Variants in SMAD3 observed in about 807,000 individuals in gnomAD.
SMAD3 encodes the protein SMAD family member 3, also known as MAD homolog 3.
In SMAD3, 12 loss-of-function variants were observed where a neutral mutation model predicts 51.8. That is an observed-to-expected ratio of 0.23 (90% CI 0.15 to 0.38). The LOEUF (loss-of-function observed/expected upper bound fraction) is 0.38, where lower values mean the gene tolerates loss of function less well. Ranked by LOEUF, SMAD3 falls within the 10% of genes least tolerant of loss-of-function variation. The pLI, the probability that SMAD3 is intolerant of heterozygous loss-of-function variation, is 1.00. For missense variants in SMAD3, 294 were observed against 565.6 expected (o/e 0.52, Z 4.87); for synonymous variants, 238 against 227.7 (o/e 1.05, Z -0.41).
chr15:67,175,832 A>G (rs1962876878), intron 5 of SMAD3, among the ~76,000 whole-genome samples: 1 of 152,224 alleles, frequency 6.6e-6, no homozygotes, highest in Admixed American at 6.5e-5. Context: ...ACCCAGTTCC[A>G]GGCATCTTCA....
At chr15:67,105,477 T>G (rs1960857433) in intron 1 of SMAD3, among the ~76,000 whole-genome samples, 1 of 152,192 alleles carries the variant, frequency 6.6e-6, no homozygotes, top group Admixed American at 6.5e-5. Flanking sequence ...AGAGTATTAT[T>G]CAGCCCTGTG....
intron 1 of SMAD3, among the ~76,000 whole-genome samples, chr15:67,136,858 G>A (rs896756946): frequency 6.6e-6 from 1 of 152,224 alleles, no homozygotes; most frequent in South Asian, 2.1e-4. Context: ...TCTCCAGGTG[G>A]GGAGTGGTAC....
At chr15:67,156,507 A>AGG (rs1315653909) in intron 1 of SMAD3, among the ~76,000 whole-genome samples, 2 of 152,204 alleles carry the variant, frequency 1.3e-5, no homozygotes, top group Non-Finnish European at 2.9e-5. Context: ...ACTTTATATT[A>AGG]ACTCTGGGAA....
chr15:67,104,628 C>T (rs943035545), intron 1 of SMAD3, among the ~76,000 whole-genome samples: 1 of 152,204 alleles, frequency 6.6e-6, no homozygotes, highest in Admixed American at 6.5e-5. Context: ...GTCAGGTGGC[C>T]GAAGACGGAT....
rs563020918 is a variant in SMAD3 at position 67,100,956 on chromosome 15, C to T, written c.206+34596C>T. On this transcript the variant is annotated intron_variant, in intron 1 of 8. Transcript: ENST00000327367. ...GCTCCTTTATGTCTTTGGGTATGTT[C>T]TGGGTCACTGAGGATCAGCTCTATT... Among the ~76,000 whole-genome samples, 21 of 152,306 alleles carry T rather than the reference C, an allele frequency of 1.4e-4. No homozygotes were observed. In the East Asian group the frequency reaches 3.7e-3, roughly 27 times the overall value.
At chr15:67,084,145 G>A (rs1413981381) in intron 1 of SMAD3, among the ~76,000 whole-genome samples, 1 of 136,358 alleles carries the variant, frequency 7.3e-6, no homozygotes. Flanking sequence ...ATGCGATCTC[G>A]GCTCACTGCA....
intron 1 of SMAD3, chr15:67,138,027 A>C: frequency 6.4e-7 from 1 of 1,551,380 alleles, no homozygotes; most frequent in Non-Finnish European, 8.7e-7. Context: ...CTTCACAAAC[A>C]TGTCTTGCCT....
chr15:67,096,898 A>G (rs1960626638), intron 1 of SMAD3, among the ~76,000 whole-genome samples: 1 of 152,174 alleles, frequency 6.6e-6, no homozygotes, highest in African/African-American at 2.4e-5. Flanking sequence ...CTGTTGATAG[A>G]GATAAAAAGT....
intron 1 of SMAD3, among the ~76,000 whole-genome samples, chr15:67,075,973 G>A (rs1354942878): frequency 1.3e-5 from 2 of 151,520 alleles, no homozygotes; most frequent in Non-Finnish European, 2.9e-5. Flanking sequence ...TGCCAGTATC[G>A]ATCATAATAC....
intron 1 of SMAD3, among the ~76,000 whole-genome samples, chr15:67,068,296 C>T (rs1433195977): frequency 1.3e-5 from 2 of 152,214 alleles, no homozygotes; most frequent in African/African-American, 4.8e-5. Context: ...CTTTGAAGAT[C>T]CTGAATACAT....
intron 1 of SMAD3, among the ~76,000 whole-genome samples, chr15:67,092,498 G>C (rs973059593): frequency 6.6e-6 from 1 of 152,216 alleles, no homozygotes; most frequent in African/African-American, 2.4e-5. Context: ...CCGCCCCCAG[G>C]CCTCTTGGAT....
chr15:67,148,729 C>A (rs1391632025), intron 1 of SMAD3, among the ~76,000 whole-genome samples: 1 of 152,186 alleles, frequency 6.6e-6, no homozygotes, highest in African/African-American at 2.4e-5. Flanking sequence ...ACTTCTTGAT[C>A]GGGTTCACAA....
At position 67,181,281 on chromosome 15, in the gene SMAD3, C is replaced by T. The variant is rs2140313911; in HGVS notation, c.699C>T (p.Cys233=). Residue 233 remains cysteine, a synonymous_variant, in exon 6 of 9, where the codon TGC becomes TGT. Coordinates refer to ENST00000327367, the MANE Select transcript of SMAD3 (RefSeq NM_005902.4). ...PVTYCEPAFW[C]SISYYELNQR... is the part of the protein sequence containing the mutation. ...CCTACTGCGAGCCGGCCTTCTGGTG[C>T]TCCATCTCCTACTACGAGCTGAACC... The T allele has an allele frequency of 1.2e-6, 2 of 1,613,686 alleles. No homozygotes were observed. The highest frequency in any genetic ancestry group is 1.1e-5 in the South Asian group (1 of 91,046).
intron 1 of SMAD3, among the ~76,000 whole-genome samples, chr15:67,077,037 A>G (rs1008369107): frequency 6.6e-6 from 1 of 152,186 alleles, no homozygotes; most frequent in Non-Finnish European, 1.5e-5. Flanking sequence ...GAGCTTCCAC[A>G]TTCCATTGTG....
At chr15:67,067,127 AC>A (rs1959942979) in intron 1 of SMAD3, among the ~76,000 whole-genome samples, 1 of 151,456 alleles carries the variant, frequency 6.6e-6, no homozygotes, top group African/African-American at 2.4e-5. Flanking sequence ...ACCGTGCAGA[AC>A]GAGGGAGAGG....
At chr15:67,141,483 G>C (rs1472667109) in intron 1 of SMAD3, among the ~76,000 whole-genome samples, 1 of 152,154 alleles carries the variant, frequency 6.6e-6, no homozygotes, top group Non-Finnish European at 1.5e-5. Context: ...TTGTATTTCA[G>C]CTTAACCCAG....
rs557988479 is a variant in SMAD3 at position 67,191,161 on chromosome 15, G to T, written c.*625G>T. ...TCTCAGAACATACTGATTGGGAGGT[G>T]CGTGTTCAGCAGAACCTGCACACAG... On this transcript the variant is annotated 3_prime_UTR_variant, in exon 9 of 9. Transcript: ENST00000327367. The T allele has an allele frequency of 8.5e-6, 2 of 234,174 alleles. No homozygotes were observed. Among genetic ancestry groups the T allele is most frequent in the East Asian group, 1.2e-4 (2 of 16,720 alleles). 14.5% of individuals were successfully genotyped at this position (234,174 alleles called of 1,614,324 possible).
At chr15:67,165,470 C>A (rs2140295240) in intron 3 of SMAD3, 86 bp downstream of exon 3, 2 of 1,501,788 alleles carry the variant, frequency 1.3e-6, no homozygotes, top group South Asian at 1.2e-5. Flanking sequence ...AATCTCTGCC[C>A]CCTGGCCGTC....
Position 67,075,375 on chromosome 15 carries a change from A to C in SMAD3, c.206+9015A>C, listed in dbSNP as rs558935282. On this transcript the variant is annotated intron_variant, in intron 1 of 8. Transcript: ENST00000327367. ...TTACTGCTTGTTGTGCCAACCCTTT[A>C]CATTTTGTGTGTGGCTGTTTGTCTC... Among the ~76,000 whole-genome samples, 6 of 152,216 alleles carry C rather than the reference A, an allele frequency of 3.9e-5. No homozygotes were observed. The South Asian group carries it at 1.2e-3, about 32-fold the overall frequency.
Sources: allele counts gnomAD v4.1 joint callset (sites outside exome capture counted in the v4.1 genomes callset), GRCh38; gene constraint gnomAD v4.1.1; transcripts MANE v1.5; gene names NCBI Gene and HGNC (gene_info 2026-07-23, HGNC 2026-07-21).